Variants in SPOCK1 observed in about 807,000 individuals in gnomAD.
SPOCK1 encodes the protein SPARC (osteonectin), cwcv and kazal like domains proteoglycan 1, also known as testican-1.
In SPOCK1, 23 loss-of-function variants were observed where a neutral mutation model predicts 55.3. The ratio of observed to expected loss-of-function variants is 0.42; its 90% CI spans 0.30 to 0.59. The LOEUF (loss-of-function observed/expected upper bound fraction) is 0.59. SPOCK1 is among the 20% of genes least tolerant of loss of function. The probability of loss-of-function intolerance (pLI) is 0.22; values close to 1 mark genes in which losing one functional copy is unlikely to be tolerated. For missense variants in SPOCK1, 499 were observed against 552.5 expected, an observed-to-expected ratio of 0.90 and a Z score of 0.97; for synonymous variants, 226 against 221.0, an observed-to-expected ratio of 1.02 and a Z score of -0.20.
rs971537235 is a variant in SPOCK1 at position 137,265,501 on chromosome 5, T to C, written c.232+1509A>G. 9.8e-5 allele frequency among the ~76,000 whole-genome samples: 15 copies of C among 152,350 alleles called. No homozygotes were observed. The East Asian group carries it at 2.9e-3, about 29-fold the overall frequency. On this transcript the variant is annotated intron_variant, in intron 3 of 10. Coordinates refer to ENST00000394945, the MANE Select transcript of SPOCK1 (RefSeq NM_004598.4). Reference sequence around the variant, plus strand: ...GACAGGGAATTTGTTGCTCTTTAACTACCAGTATTCTTCATAGATAAAGTT... The same window carrying C: ...GACAGGGAATTTGTTGCTCTTTAACCACCAGTATTCTTCATAGATAAAGTT...
At chr5:137,390,830 G>T (rs1360785398) in intron 2 of SPOCK1, among the ~76,000 whole-genome samples, 1 of 152,126 alleles carries the variant, frequency 6.6e-6, no homozygotes, top group African/African-American at 2.4e-5. Context: ...CAGTTAGGGA[G>T]TAGCTGGTGG....
Position 136,984,483 on chromosome 5 carries a change from G to C in SPOCK1, c.991+657C>G, listed in dbSNP as rs867216251. ...TTTCTTCAGCAAACCAATGAGAATG[G>C]CCAGTGTTTCTATGACAAATGCCAG... is the stretch of plus-strand genomic sequence containing the variant. On this transcript the variant is annotated intron_variant, in intron 9 of 10. Coordinates refer to ENST00000394945, the MANE Select transcript of SPOCK1 (RefSeq NM_004598.4). Among the ~76,000 whole-genome samples the C allele has an allele frequency of 4.0e-4, 61 of 152,220 alleles. No individual in the cohort carries two copies. The Middle Eastern group carries it at 0.02, about 51-fold the overall frequency.
rs1190826410 is a variant in SPOCK1, at chr5:136,976,767, AG to A, written c.*1886del. 2.0e-5 allele frequency: 3 copies of A among 152,250 alleles called. No individual in the cohort carries two copies. Among genetic ancestry groups the A allele is most frequent in the African/African-American group, 7.2e-5 (3 of 41,448 alleles). The allele number at this position is 152,250 out of a possible 1,614,324, so 9.4% of individuals were successfully genotyped here. ...ATGGGGAAAGTAAGTACAAAACCTC[AG>A]GGTTATTTACGAAGCCAAAGGACTT... On this transcript the variant is annotated 3_prime_UTR_variant, in exon 11 of 11. Coordinates refer to ENST00000394945, the MANE Select transcript of SPOCK1 (RefSeq NM_004598.4).
chr5:137,486,133 C>T (rs1031208797), intron 2 of SPOCK1, among the ~76,000 whole-genome samples: 1 of 152,200 alleles, frequency 6.6e-6, no homozygotes, highest in South Asian at 2.1e-4. Flanking sequence ...CATTTATGCA[C>T]ACACAAGTTC....
At chr5:137,076,716 C>A (rs1454086879) in intron 5 of SPOCK1, among the ~76,000 whole-genome samples, 1 of 151,490 alleles carries the variant, frequency 6.6e-6, no homozygotes, top group Admixed American at 6.6e-5. Flanking sequence ...TTCAGTTGAA[C>A]CATTGTAAGT....
intron 5 of SPOCK1, among the ~76,000 whole-genome samples, chr5:137,069,925 T>G (rs1752579969): frequency 6.6e-6 from 1 of 152,236 alleles, no homozygotes; most frequent in Admixed American, 6.5e-5. Flanking sequence ...TGTGATAGAC[T>G]GTGAGACTCC....
intron 4 of SPOCK1, among the ~76,000 whole-genome samples, chr5:137,126,330 G>A (rs952929912): frequency 6.6e-6 from 1 of 152,126 alleles, no homozygotes; most frequent in African/African-American, 2.4e-5. Flanking sequence ...TGTACAGCCT[G>A]CAGAACCATG....
At chr5:137,111,713 G>A (rs746168444) in intron 5 of SPOCK1, among the ~76,000 whole-genome samples, 1 of 151,970 alleles carries the variant, frequency 6.6e-6, no homozygotes, top group Non-Finnish European at 1.5e-5. Context: ...CTGCCTCCCT[G>A]CCTGTAAATC....
At chr5:137,486,251 T>C (rs1754052763) in intron 2 of SPOCK1, among the ~76,000 whole-genome samples, 1 of 152,182 alleles carries the variant, frequency 6.6e-6, no homozygotes, top group Admixed American at 6.5e-5. Flanking sequence ...AAGTTGCCCA[T>C]GTATGCCAGG....
intron 3 of SPOCK1, among the ~76,000 whole-genome samples, chr5:137,243,239 G>C (rs1756321903): frequency 6.6e-6 from 1 of 152,040 alleles, no homozygotes; most frequent in Non-Finnish European, 1.5e-5. Context: ...TAATACCTGG[G>C]GAAAAGCACG....
intron 2 of SPOCK1, among the ~76,000 whole-genome samples, chr5:137,356,836 T>TAGAGAG (rs1352078666): frequency 4.3e-3 from 38 of 8,780 alleles, no homozygotes; most frequent in Non-Finnish European, 4.9e-3. Context: ...TATATATATA[T>TAGAGAG]ATAGAGAGAG....
chr5:137,161,057 ATATAT>A (rs1469377634), intron 3 of SPOCK1, among the ~76,000 whole-genome samples: 29 of 146,592 alleles, frequency 2.0e-4, no homozygotes, highest in African/African-American at 5.7e-4. Flanking sequence ...TATCTCTCTA[ATATAT>A]TATATATCTC....
Position 137,483,107 on chromosome 5 carries a change from T to G in SPOCK1, c.186+15266A>C, listed in dbSNP as rs371202270. On this transcript the variant is annotated intron_variant, in intron 2 of 10. Coordinates refer to ENST00000394945, the MANE Select transcript of SPOCK1 (RefSeq NM_004598.4). The stretch of plus-strand genomic sequence containing the variant: ...CAGCACTTTGGAAGGCCGAGGCGGG[T>G]GGATCACCTGAGGTCAGGAGTTTGA... Among the ~76,000 whole-genome samples, 320 of 152,060 alleles carry G rather than the reference T, an allele frequency of 2.1e-3. 2 individuals are homozygous for G. The highest frequency in any genetic ancestry group is 7.2e-3 in the African/African-American group (298 of 41,500).
In SPOCK1 at chr5:137,329,120, G is replaced by A. The variant is rs369492732; in HGVS notation, c.187-62065C>T. ...TGGCCCTCTCCAATGTGGGTGGGCT[G>A]CATCCAGTCCATTGAAAACGTGAAT... On this transcript the variant is annotated intron_variant, in intron 2 of 10. Coordinates refer to ENST00000394945, the MANE Select transcript of SPOCK1 (RefSeq NM_004598.4). Among the ~76,000 whole-genome samples the A allele has an allele frequency of 3.9e-5, 6 of 152,176 alleles. No individual in the cohort carries two copies. In the East Asian group the frequency reaches 9.6e-4, roughly 24 times the overall value.
intron 2 of SPOCK1, among the ~76,000 whole-genome samples, chr5:137,422,598 T>G (rs1016766011): frequency 2.6e-5 from 4 of 151,764 alleles, no homozygotes; most frequent in African/African-American, 9.7e-5. Flanking sequence ...GCTTGTGCAT[T>G]CGTCACGTAG....
At chr5:137,243,869 G>T (rs1482216291) in intron 3 of SPOCK1, among the ~76,000 whole-genome samples, 9 of 152,196 alleles carry the variant, frequency 5.9e-5, no homozygotes, top group African/African-American at 1.9e-4. Flanking sequence ...ACACTGTTCC[G>T]CGGACTTGCA....
At chr5:137,282,185 C>A (rs557298617) in intron 2 of SPOCK1, among the ~76,000 whole-genome samples, 1 of 152,206 alleles carries the variant, frequency 6.6e-6, no homozygotes, top group Non-Finnish European at 1.5e-5. Context: ...CTCTGCCTTA[C>A]GCTGATAACA....
intron 3 of SPOCK1, among the ~76,000 whole-genome samples, chr5:137,237,970 C>T (rs896194287): frequency 6.6e-6 from 1 of 152,194 alleles, no homozygotes; most frequent in African/African-American, 2.4e-5. Context: ...AAAAGCAATA[C>T]ATCATGGTGG....
chr5:137,307,975 G>A (rs17171351), intron 2 of SPOCK1, among the ~76,000 whole-genome samples: 20 of 152,302 alleles, frequency 1.3e-4, no homozygotes, highest in African/African-American at 4.6e-4. Context: ...CAAAAGAAAT[G>A]AATGTGATGC....
Sources: allele counts gnomAD v4.1 joint callset (sites outside exome capture counted in the v4.1 genomes callset), GRCh38; gene constraint gnomAD v4.1.1; transcripts MANE v1.5; gene names NCBI Gene and HGNC (gene_info 2026-07-23, HGNC 2026-07-21).